Variants in SPMIP5 observed in about 807,000 individuals in gnomAD.
SPMIP5 encodes sperm-associated microtubule inner protein 5.
chr10:116,663,901 C>G, the SPMIP5 span: 1 of 1,534,040 alleles, frequency 6.5e-7, no homozygotes, highest in Non-Finnish European at 8.7e-7. Context: ...GGAGACTCTG[C>G]GCTTCTAGCC....
chr10:116,667,125 T>C, the SPMIP5 span, among the ~76,000 whole-genome samples: 1 of 152,092 alleles, frequency 6.6e-6, no homozygotes, highest in African/African-American at 2.4e-5. Flanking sequence ...GATGTCCTTA[T>C]AGAGGAAAGA....
At chr10:116,664,314 AAGAAT>A in the SPMIP5 span, 2 of 1,335,146 alleles carry the variant, frequency 1.5e-6, no homozygotes, top group Non-Finnish European at 2.1e-6. Flanking sequence ...ACCTTTTATT[AAGAAT>A]AGAATAATAA....
the SPMIP5 span, among the ~76,000 whole-genome samples, chr10:116,667,342 G>A: frequency 4.6e-5 from 7 of 152,226 alleles, no homozygotes; most frequent in African/African-American, 1.7e-4. Context: ...AACTGTGAGG[G>A]AATGCATTTC....
the SPMIP5 span, chr10:116,664,218 T>G: frequency 6.2e-7 from 1 of 1,613,672 alleles, no homozygotes; most frequent in Non-Finnish European, 8.5e-7. Context: ...CTCTTCATGC[T>G]GCAAAACTTT....
the SPMIP5 span, among the ~76,000 whole-genome samples, chr10:116,669,084 ACAT>A: frequency 1.3e-5 from 2 of 152,202 alleles, no homozygotes; most frequent in Non-Finnish European, 2.9e-5. Context: ...CTCCACTGAA[ACAT>A]CAGTTTATGT....
the SPMIP5 span, among the ~76,000 whole-genome samples, chr10:116,662,842 G>A: frequency 9.2e-5 from 14 of 152,306 alleles, no homozygotes; most frequent in South Asian, 2.3e-3. Flanking sequence ...AGGTCACAGT[G>A]AAGTAGGGCA....
the SPMIP5 span, chr10:116,668,269 G>A: frequency 6.2e-7 from 1 of 1,613,874 alleles, no homozygotes; most frequent in Non-Finnish European, 8.5e-7. Context: ...GCTATAGCCT[G>A]GTGTGATTGG....
At chr10:116,668,158 C>T in the SPMIP5 span, 1 of 1,169,396 alleles carries the variant, frequency 8.6e-7, no homozygotes, top group Admixed American at 1.7e-5. Context: ...TAGACTGGTC[C>T]AGTTGGCTGC....
the SPMIP5 span, chr10:116,665,569 G>T: frequency 1.3e-6 from 2 of 1,579,188 alleles, no homozygotes; most frequent in South Asian, 2.3e-5. Context: ...CTGCAGGGGT[G>T]ACCAGGGGTG....
chr10:116,665,552 T>C, the SPMIP5 span: 4 of 1,531,674 alleles, frequency 2.6e-6, no homozygotes, highest in Non-Finnish European at 3.6e-6. Flanking sequence ...AGCTGGCCTA[T>C]GAGAATCTGC....
chr10:116,664,064 C>A, the SPMIP5 span: 1 of 1,606,016 alleles, frequency 6.2e-7, no homozygotes, highest in South Asian at 1.1e-5. Context: ...AGGAGAGGAA[C>A]CGTCCGTGTG....
chr10:116,666,689 C>G, the SPMIP5 span, among the ~76,000 whole-genome samples: 3 of 152,064 alleles, frequency 2.0e-5, no homozygotes, highest in Non-Finnish European at 4.4e-5. Flanking sequence ...TGTTGGAAGC[C>G]TTCCATGCAT....
the SPMIP5 span, among the ~76,000 whole-genome samples, chr10:116,667,242 G>A: frequency 6.6e-6 from 1 of 152,178 alleles, no homozygotes; most frequent in Non-Finnish European, 1.5e-5. Context: ...GCCACCAGAA[G>A]CTGGAAGAAG....
chr10:116,663,836 AT>A, the SPMIP5 span: 1 of 1,447,168 alleles, frequency 6.9e-7, no homozygotes, highest in Non-Finnish European at 9.1e-7. Flanking sequence ...ACTGGGCGTG[AT>A]TCCAACATGA....
chr10:116,663,895 A>G, the SPMIP5 span: 4 of 1,533,206 alleles, frequency 2.6e-6, no homozygotes, highest in Admixed American at 4.0e-5. Flanking sequence ...TCCTTGGGAG[A>G]CTCTGCGCTT....
the SPMIP5 span, chr10:116,665,795 C>G: frequency 1.7e-4 from 271 of 1,612,754 alleles, 4 homozygotes; most frequent in South Asian, 2.8e-3. Context: ...CCTCCTTGGA[C>G]ATTCCTTGGC....
chr10:116,662,303 ATGAGCTTTAACATCATTCCAGCTGTT>A, the SPMIP5 span, among the ~76,000 whole-genome samples: 19 of 152,360 alleles, frequency 1.2e-4, no homozygotes, highest in African/African-American at 4.6e-4. Context: ...GATTACAGAG[ATGAGCTTTAACATCATTCCAGCTGTT>A]TGCAGCCAGA....
At chr10:116,665,760 GT>G in the SPMIP5 span, 19 of 1,614,080 alleles carry the variant, frequency 1.2e-5, no homozygotes, top group East Asian at 4.2e-4. Flanking sequence ...CTCCTGGAAG[GT>G]TTTCACACAG....
chr10:116,668,972 A>ACACAC, the SPMIP5 span, among the ~76,000 whole-genome samples: 41 of 58,946 alleles, frequency 7.0e-4, no homozygotes, highest in African/African-American at 2.3e-3. Flanking sequence ...CACACACACA[A>ACACAC]ACAAGGGAGA....
Sources: gnomAD v4.1 joint callset for allele counts (sites outside exome capture counted in the v4.1 genomes callset) on GRCh38, gnomAD v4.1.1 for gene constraint, MANE v1.5 for transcripts, NCBI Gene and HGNC (gene_info 2026-07-23, HGNC 2026-07-21) for gene names.